The following SCN1A variants were observed in gnomAD, a reference collection of about 807,000 sequenced individuals.
The protein encoded by SCN1A is sodium channel protein type 1 subunit alpha.
In SCN1A, 13 loss-of-function variants were observed where a neutral mutation model predicts 193.7. The ratio of observed to expected loss-of-function variants is 0.07; its 90% CI spans 0.04 to 0.11. The LOEUF (loss-of-function observed/expected upper bound fraction) is 0.11, where lower values mean the gene tolerates loss of function less well. Ranked by LOEUF, SCN1A falls within the 10% of genes least tolerant of loss-of-function variation. The probability of loss-of-function intolerance (pLI) is 1.00; values close to 1 mark genes in which losing one functional copy is unlikely to be tolerated. For missense variants in SCN1A, 1,432 were observed against 2,451.1 expected (o/e 0.58, Z 8.78); for synonymous variants, 781 against 843.6 (o/e 0.93, Z 1.29).
At chr2:166,055,847 A>G (rs961301040) in intron 6 of SCN1A, among the ~76,000 whole-genome samples, 6 of 152,028 alleles carry the variant, frequency 3.9e-5, no homozygotes, top group Non-Finnish European at 8.8e-5. Flanking sequence ...TGAAAGCTCT[A>G]CAAAAAGTTC....
chr2:166,112,952 C>T (rs1393890167), intron 2 of SCN1A, among the ~76,000 whole-genome samples: 1 of 152,144 alleles, frequency 6.6e-6, no homozygotes, highest in African/African-American at 2.4e-5. Flanking sequence ...ATGTCTCTTC[C>T]AGGCTGTTCC....
chr2:165,986,913 A>T lies in SCN1A; in HGVS notation c.*4332T>A, dbSNP rs1024411740. The T allele has an allele frequency of 6.6e-6, 1 of 152,124 alleles. No individual in the cohort carries two copies. Among genetic ancestry groups the T allele is most frequent in the African/African-American group, 2.4e-5 (1 of 41,432 alleles). 9.4% of individuals were successfully genotyped at this position (152,124 alleles called of 1,614,324 possible). ...TTTTCTATTTTCATGGAACAGGCAC[A>T]CTAGTCTTAACAAAATTAGGAAAAT... is the stretch of plus-strand genomic sequence containing the variant. On this transcript the variant is annotated 3_prime_UTR_variant, in exon 29 of 29. Coordinates refer to ENST00000674923, the MANE Select transcript of SCN1A (RefSeq NM_001165963.4).
At chr2:166,141,731 CT>C (rs35457376) in intron 1 of SCN1A, among the ~76,000 whole-genome samples, 14,207 of 136,940 alleles carry the variant, frequency 0.1, 712 homozygotes, top group Middle Eastern at 0.22. Context: ...TCTTCCTTTT[CT>C]TTTTTTTTTT....
intron 13 of SCN1A, among the ~76,000 whole-genome samples, chr2:166,044,312 A>T (rs1424829921): frequency 2.6e-5 from 4 of 152,066 alleles, no homozygotes; most frequent in African/African-American, 9.7e-5. Flanking sequence ...ACACACATAC[A>T]CACACACCCT....
chr2:166,003,417 A>C (rs1034575717), intron 23 of SCN1A, among the ~76,000 whole-genome samples: 2 of 151,690 alleles, frequency 1.3e-5, no homozygotes, highest in African/African-American at 2.4e-5. Flanking sequence ...ATTTCAAATG[A>C]AACATAATAG....
chr2:165,993,154 C>G (rs1689489363), intron 28 of SCN1A: 1 of 146,024 alleles, frequency 6.8e-6, no homozygotes, highest in African/African-American at 2.5e-5. Context: ...GTTTAAATGC[C>G]TCATTCTGAA....
At chr2:166,125,297 A>G (rs1202513314) in intron 2 of SCN1A, among the ~76,000 whole-genome samples, 1 of 152,202 alleles carries the variant, frequency 6.6e-6, no homozygotes, top group African/African-American at 2.4e-5. Flanking sequence ...ATTCTGAGGT[A>G]GCTGGAAGAG....
At chr2:166,002,842 T>A in intron 23 of SCN1A, 89 bp from the exon 24 acceptor site, 1 of 1,054,946 alleles carries the variant, frequency 9.5e-7, no homozygotes. Flanking sequence ...GGTCTTTCCA[T>A]TCTTTTTTTC....
intron 19 of SCN1A, among the ~76,000 whole-genome samples, chr2:166,024,937 A>C (rs1694551220): frequency 6.6e-6 from 1 of 152,234 alleles, no homozygotes; most frequent in Admixed American, 6.5e-5. Context: ...TACAGGAGTG[A>C]GCCACGGTGC....
At chr2:166,122,666 A>T (rs1383012047) in intron 2 of SCN1A, among the ~76,000 whole-genome samples, 9 of 152,190 alleles carry the variant, frequency 5.9e-5, no homozygotes, top group Admixed American at 5.9e-4. Flanking sequence ...GGACAACTAG[A>T]TATGAACAAA....
chr2:166,038,479 T>C (rs1370871501), intron 17 of SCN1A, among the ~76,000 whole-genome samples: 1 of 152,066 alleles, frequency 6.6e-6, no homozygotes, highest in Non-Finnish European at 1.5e-5. Context: ...TAGCTGGGAC[T>C]ACAGGCACGT....
intron 2 of SCN1A, among the ~76,000 whole-genome samples, chr2:166,088,047 T>C (rs775374459): frequency 1.7e-4 from 23 of 138,014 alleles, no homozygotes; most frequent in Non-Finnish European, 2.5e-4. Flanking sequence ...AATCCCACAA[T>C]CTGTGTGTTT....
At chr2:166,038,179 T>TTA in intron 17 of SCN1A, 47 bp from the exon 18 acceptor site, 1 of 1,376,938 alleles carries the variant, frequency 7.3e-7, no homozygotes, top group Non-Finnish European at 1.0e-6. Context: ...CTTAAAAGCA[T>TTA]TATATATATT....
intron 16 of SCN1A, 81 bp downstream of exon 16, chr2:166,041,150 C>A: frequency 1.9e-6 from 2 of 1,034,720 alleles, no homozygotes; most frequent in South Asian, 2.5e-5. Flanking sequence ...GGTTGAAAGA[C>A]TGCTATACAC....
intron 19 of SCN1A, among the ~76,000 whole-genome samples, chr2:166,034,357 G>T (rs1279403025): frequency 6.6e-6 from 1 of 152,024 alleles, no homozygotes; most frequent in Non-Finnish European, 1.5e-5. Context: ...ATCTTTTAAG[G>T]GATATAGTCA....
rs1690851372 is a variant in SCN1A at position 166,123,408 on chromosome 2, T to C, written c.-142+3516A>G. ...GGAAGAAAAACTGACTGGGTGACTA[T>C]ATCATTCTAACCAATGATCTCATTC... On this transcript the variant is annotated intron_variant, in intron 2 of 28. Transcript: ENST00000674923. The C allele has an allele frequency of 2.0e-5, 3 of 152,332 alleles. No individual in the cohort carries two copies. The South Asian group carries it at 6.2e-4, about 32-fold the overall frequency. 9.4% of individuals were successfully genotyped at this position (152,332 alleles called of 1,614,324 possible).
At chr2:166,142,382 T>C (rs1464540720) in intron 1 of SCN1A, among the ~76,000 whole-genome samples, 3 of 152,242 alleles carry the variant, frequency 2.0e-5, no homozygotes, top group Admixed American at 6.5e-5. Flanking sequence ...TTAGACAAAG[T>C]AAGTGTCAGT....
At chr2:166,140,455 A>C (rs923692602) in intron 1 of SCN1A, among the ~76,000 whole-genome samples, 1 of 152,008 alleles carries the variant, frequency 6.6e-6, no homozygotes. Context: ...AGGGGGCAGC[A>C]TGTGGCAGGG....
At chr2:166,084,141 C>G (rs986283042) in intron 2 of SCN1A, among the ~76,000 whole-genome samples, 7 of 151,934 alleles carry the variant, frequency 4.6e-5, no homozygotes, top group African/African-American at 1.7e-4. Flanking sequence ...AAGAGAAAGC[C>G]TAATGGCCAG....
Sources: allele counts gnomAD v4.1 joint callset (sites outside exome capture counted in the v4.1 genomes callset), GRCh38; gene constraint gnomAD v4.1.1; transcripts MANE v1.5; gene names NCBI Gene and HGNC (gene_info 2026-07-23, HGNC 2026-07-21).